The following ACOT7 variants were observed in gnomAD, a reference collection of about 807,000 sequenced individuals.
The protein encoded by ACOT7 is cytosolic acyl coenzyme A thioester hydrolase.
In ACOT7, 12 loss-of-function variants were observed where a neutral mutation model predicts 40.2. That is an observed-to-expected ratio of 0.30 (90% confidence interval 0.19 to 0.48). The LOEUF (loss-of-function observed/expected upper bound fraction) is 0.48. Ranked by LOEUF, ACOT7 falls within the 20% of genes least tolerant of loss-of-function variation. The probability of loss-of-function intolerance (pLI) is 0.99; values close to 1 mark genes in which losing one functional copy is unlikely to be tolerated. For synonymous variants in ACOT7, 228 were observed against 219.5 expected, an observed-to-expected ratio of 1.04 and a Z score of -0.34; for missense variants, 395 against 530.8, an observed-to-expected ratio of 0.74 and a Z score of 2.51.
Position 6,318,513 on chromosome 1 carries a change from G to T in ACOT7, c.691C>A (p.Leu231Met). ...TTACCTCCGTGCACAAAGCCGTGCA[G>T]GGTGCAGTCTGAAGGCCCCACCAGG... ...IHLVGPSDCT[L>M]HGFVHGGVTM... The change falls in exon 6 of 9, where the codon CTG becomes ATG. Residue 231 changes from leucine (L) to methionine (M), a missense_variant. Transcript: ENST00000361521. 1 of 1,614,142 alleles carries T rather than the reference G, an allele frequency of 6.2e-7. No homozygotes were observed. The highest frequency in any genetic ancestry group is 8.5e-7 in the Non-Finnish European group (1 of 1,180,008).
At chr1:6,380,487 C>G (rs1345697788) in intron 1 of ACOT7, among the ~76,000 whole-genome samples, 1 of 150,020 alleles carries the variant, frequency 6.7e-6, no homozygotes, top group Non-Finnish European at 1.5e-5. Context: ...GTAATCCCAG[C>G]TACTCAGGAG....
At chr1:6,373,157 T>C (rs925861468) in intron 1 of ACOT7, among the ~76,000 whole-genome samples, 9 of 152,188 alleles carry the variant, frequency 5.9e-5, no homozygotes, top group African/African-American at 2.2e-4. Context: ...GTTTGAAATA[T>C]TGCAAGAATT....
At chr1:6,264,750 T>C in intron 8 of ACOT7, 55 bp from the exon 9 acceptor site, 1 of 1,576,048 alleles carries the variant, frequency 6.3e-7, no homozygotes, top group Non-Finnish European at 8.6e-7. Flanking sequence ...ACCAGTGCCG[T>C]GGCCTTGTGA....
At chr1:6,325,100 T>C (rs1640760807) in intron 5 of ACOT7, among the ~76,000 whole-genome samples, 1 of 152,250 alleles carries the variant, frequency 6.6e-6, no homozygotes, top group South Asian at 2.1e-4. Flanking sequence ...TTAAATTTTA[T>C]TTTTAAAAGA....
rs766998042 is a variant in ACOT7, at chr1:6,351,552, C to T, written c.144-1686G>A. Among the ~76,000 whole-genome samples, 4 of 152,346 alleles carry T rather than the reference C, an allele frequency of 2.6e-5. No individual in the cohort carries two copies. In the Middle Eastern group the frequency reaches 0.01, roughly 389 times the overall value. ...AGGGCCTTCCCCGCACCAGCTGCAG[C>T]GGGCAGAGGGTCACTTTCCACACAG... is the stretch of plus-strand genomic sequence containing the variant. On this transcript the variant is annotated intron_variant, in intron 1 of 8. Coordinates refer to ENST00000361521, the MANE Select transcript of ACOT7 (RefSeq NM_007274.4).
chr1:6,302,981 T>C (rs1295497891), intron 6 of ACOT7, among the ~76,000 whole-genome samples: 1 of 152,242 alleles, frequency 6.6e-6, no homozygotes, highest in African/African-American at 2.4e-5. Context: ...TCCTCACAAC[T>C]GCCTTTCTTG....
At position 6,359,505 on chromosome 1, in the gene ACOT7, T is replaced by C. The variant is rs1480269108; in HGVS notation, c.144-9639A>G. On this transcript the variant is annotated intron_variant, in intron 1 of 8. Coordinates refer to ENST00000361521, the MANE Select transcript of ACOT7 (RefSeq NM_007274.4). The surrounding 1 kb of genome is among the most constrained non-coding windows in gnomAD (Gnocchi z 4.1). ...CCCCTGCTTCAGAGGATGCCATGCC[T>C]GTCTTGGGGCTCAGCAACTCCACTA... is the stretch of plus-strand genomic sequence containing the variant. Among the ~76,000 whole-genome samples the C allele has an allele frequency of 6.9e-6, 1 of 145,756 alleles. No individual in the cohort carries two copies. Among genetic ancestry groups the C allele is most frequent in the East Asian group, 2.1e-4 (1 of 4,818 alleles).
intron 1 of ACOT7, among the ~76,000 whole-genome samples, chr1:6,390,939 C>T (rs1642523299): frequency 5.3e-5 from 8 of 150,270 alleles, no homozygotes; most frequent in Admixed American, 4.6e-4. Context: ...GTCTCAAAAA[C>T]AAACAAACAA....
At chr1:6,269,406 GGCCCT>G (rs562630380) in intron 8 of ACOT7, among the ~76,000 whole-genome samples, 185 of 152,300 alleles carry the variant, frequency 1.2e-3, no homozygotes, top group African/African-American at 4.2e-3. Flanking sequence ...CCCAGGCGGG[GGCCCT>G]GCCCTGCCCT....
intron 1 of ACOT7, among the ~76,000 whole-genome samples, chr1:6,367,116 G>A (rs578063896): frequency 2.6e-5 from 4 of 150,972 alleles, no homozygotes; most frequent in African/African-American, 4.9e-5. Flanking sequence ...AGAGAATTGC[G>A]TGAACCCAGA....
At chr1:6,307,654 G>A (rs1161025695) in intron 6 of ACOT7, among the ~76,000 whole-genome samples, 1 of 152,180 alleles carries the variant, frequency 6.6e-6, no homozygotes, top group African/African-American at 2.4e-5. Flanking sequence ...AGAGCAACCA[G>A]GCAGAGGGAA....
chr1:6,371,439 T>G (rs961740850), intron 1 of ACOT7, among the ~76,000 whole-genome samples: 2 of 151,290 alleles, frequency 1.3e-5, no homozygotes, highest in Non-Finnish European at 2.9e-5. Context: ...CTTGGCTCAC[T>G]GCAACCTCTA....
chr1:6,355,832 G>A lies in ACOT7; in HGVS notation c.144-5966C>T, dbSNP rs889167114. 2.6e-5 allele frequency among the ~76,000 whole-genome samples: 4 copies of A among 152,124 alleles called. No homozygotes were observed. The highest frequency in any genetic ancestry group is 1.9e-4 in the East Asian group (1 of 5,182). On this transcript the variant is annotated intron_variant, in intron 1 of 8. Transcript: ENST00000361521. The surrounding 1 kb of genome is among the most constrained non-coding windows in gnomAD (Gnocchi z 5.0). ...TCGCAGGACAGCCCGAGCCTGTTCC[G>A]CAGCGGGAGTGAGGCGCCTGGAACA...
intron 1 of ACOT7, among the ~76,000 whole-genome samples, chr1:6,371,390 ACT>A (rs1219620852): frequency 1.4e-5 from 2 of 146,852 alleles, no homozygotes; most frequent in Non-Finnish European, 3.0e-5. Flanking sequence ...ACAGAATCTC[ACT>A]CTGTCACCCA....
chr1:6,348,986 G>C (rs982345897), intron 2 of ACOT7, among the ~76,000 whole-genome samples: 1 of 152,212 alleles, frequency 6.6e-6, no homozygotes, highest in Non-Finnish European at 1.5e-5. Context: ...GGCCACAGAA[G>C]GTGTGCTGAC....
At chr1:6,353,829 T>G (rs1373889328) in intron 1 of ACOT7, among the ~76,000 whole-genome samples, 1 of 151,946 alleles carries the variant, frequency 6.6e-6, no homozygotes, top group Non-Finnish European at 1.5e-5. Context: ...CCTGCACTTC[T>G]TCCCCCTCCT....
intron 1 of ACOT7, among the ~76,000 whole-genome samples, chr1:6,354,360 G>C (rs1397848567): frequency 6.6e-6 from 1 of 152,236 alleles, no homozygotes; most frequent in African/African-American, 2.4e-5. Flanking sequence ...TACGAGGAGA[G>C]GGAATGTTCG....
chr1:6,274,107 G>T lies in ACOT7; in HGVS notation c.1014+6995C>A, dbSNP rs1639121476. ...GGCCCCTCTGCACACCGTGCCTGGGGGTCAGGCAGGTCCTGGGGGTGGGGA... is the reference window on the plus strand; with the variant it reads ...GGCCCCTCTGCACACCGTGCCTGGGTGTCAGGCAGGTCCTGGGGGTGGGGA... On this transcript the variant is annotated intron_variant, in intron 8 of 8. Transcript: ENST00000361521. This position sits in a 1 kb window ranked among gnomAD's most constrained non-coding sequence, Gnocchi z 5.9. Among the ~76,000 whole-genome samples the T allele has an allele frequency of 6.6e-6, 1 of 152,210 alleles. No homozygotes were observed. Among genetic ancestry groups the T allele is most frequent in the Non-Finnish European group, 1.5e-5 (1 of 68,028 alleles).
At position 6,306,635 on chromosome 1, in the gene ACOT7, T is replaced by G; in HGVS notation, c.713-11655A>C. ...GGAATTTAACTGCAGCCTGTGCCAC[T>G]CAGCTTCACGAGGAAGAAAGCGGCG... On this transcript the variant is annotated intron_variant, in intron 6 of 8. Transcript: ENST00000361521. This position sits in a 1 kb window ranked among gnomAD's most constrained non-coding sequence, Gnocchi z 4.3. 1.0e-6 allele frequency: 1 copy of G among 985,402 alleles called. No individual in the cohort carries two copies. The highest frequency in any genetic ancestry group is 1.2e-6 in the Non-Finnish European group (1 of 829,926). The allele number at this position is 985,402 out of a possible 1,614,324, so 61.0% of individuals were successfully genotyped here.
Sources: gnomAD v4.1 joint callset for allele counts (sites outside exome capture counted in the v4.1 genomes callset) on GRCh38, gnomAD v4.1.1 for gene constraint, Gnocchi (gnomAD v3.1) non-coding constraint, MANE v1.5 for transcripts, NCBI Gene and HGNC (gene_info 2026-07-23, HGNC 2026-07-21) for gene names.